Variants in SLC35A1 observed in about 807,000 individuals in gnomAD.
SLC35A1 encodes the protein solute carrier family 35 member A1, also known as CMP-sialic acid transporter.
In SLC35A1, 21 loss-of-function variants were observed where a neutral mutation model predicts 40.3. That is an observed-to-expected ratio of 0.52 (90% CI 0.37 to 0.75). The LOEUF (loss-of-function observed/expected upper bound fraction) is 0.75, where lower values mean the gene tolerates loss of function less well. Among genes scored for constraint, SLC35A1 ranks in the 30% least tolerant of loss-of-function variants. The pLI, the probability that SLC35A1 is intolerant of heterozygous loss-of-function variation, is 0.00. For missense variants in SLC35A1, 297 were observed against 382.1 expected (o/e 0.78, Z 1.86); for synonymous variants, 146 against 147.3 (o/e 0.99, Z 0.06).
chr6:87,484,617 A>G (rs1323302452), intron 2 of SLC35A1, among the ~76,000 whole-genome samples: 1 of 152,224 alleles, frequency 6.6e-6, no homozygotes, highest in Non-Finnish European at 1.5e-5. Context: ...TGGCAGAGTA[A>G]GAAATCAGAA....
In SLC35A1 at chr6:87,473,010, G is replaced by A. The variant is rs149903512; in HGVS notation, c.7G>A (p.Ala3Thr). The A allele has an allele frequency of 5.4e-5, 37 of 682,058 alleles. No homozygotes were observed. In the East Asian group the frequency reaches 7.1e-4, roughly 13 times the overall value. 42.3% of individuals were successfully genotyped at this position (682,058 alleles called of 1,614,324 possible). MAAPRDNVTLLFK... is the reference protein window; with the variant it reads MATPRDNVTLLFK... ...GGGGGGCTGTCGGGGAACCATGGCT[G>A]CCCCGAGAGGTGAGAACTGGGTCTG... is the stretch of plus-strand genomic sequence containing the variant. The change falls in exon 1 of 8, where the codon GCC becomes ACC. Residue 3 changes from alanine to threonine, a missense_variant. Ala to Thr is a moderately conservative substitution (Grantham distance 58). Transcript: ENST00000369552.
intron 6 of SLC35A1, among the ~76,000 whole-genome samples, 177 bp from the exon 7 acceptor site, chr6:87,508,864 A>G (rs1770168822): frequency 7.2e-6 from 1 of 138,092 alleles, no homozygotes; most frequent in Admixed American, 7.8e-5. Context: ...TTGGAAAAAC[A>G]GTGTTATATA....
At chr6:87,501,007 C>G in intron 3 of SLC35A1, 151 bp from the exon 4 acceptor site, 1 of 772,226 alleles carries the variant, frequency 1.3e-6, no homozygotes, top group Non-Finnish European at 2.1e-6. Flanking sequence ...GCCTCGGCCT[C>G]CCAAAGTTCT....
chr6:87,507,131 A>G, intron 5 of SLC35A1: 1 of 152,352 alleles, frequency 6.6e-6, no homozygotes, highest in East Asian at 1.9e-4. Flanking sequence ...TTTTTAATAT[A>G]TTCTGCTTAA....
At chr6:87,479,138 T>C (rs1769174075) in intron 2 of SLC35A1, among the ~76,000 whole-genome samples, 1 of 152,210 alleles carries the variant, frequency 6.6e-6, no homozygotes, top group Non-Finnish European at 1.5e-5. Flanking sequence ...GAATTGAACA[T>C]ACTGACATAC....
intron 7 of SLC35A1, among the ~76,000 whole-genome samples, chr6:87,509,469 T>C (rs1683601778): frequency 6.6e-6 from 1 of 152,168 alleles, no homozygotes; most frequent in Non-Finnish European, 1.5e-5. Context: ...GTATTGTATA[T>C]AGGACAACTT....
At chr6:87,506,306 GTA>G (rs1220548839) in intron 4 of SLC35A1, 74 bp from the exon 5 acceptor site, 18 of 1,131,212 alleles carry the variant, frequency 1.6e-5, no homozygotes, top group Non-Finnish European at 2.4e-5. Context: ...ACAGGTTTTT[GTA>G]TTTATTTGTT....
At chr6:87,481,133 A>G (rs1337282780) in intron 2 of SLC35A1, among the ~76,000 whole-genome samples, 1 of 152,202 alleles carries the variant, frequency 6.6e-6, no homozygotes, top group African/African-American at 2.4e-5. Flanking sequence ...TGGGGACACC[A>G]GGCTGGGCGC....
At chr6:87,478,251 G>C (rs2127963210) in intron 2 of SLC35A1, among the ~76,000 whole-genome samples, 1 of 152,344 alleles carries the variant, frequency 6.6e-6, no homozygotes, top group East Asian at 1.9e-4. Context: ...CATTGGAGGA[G>C]ATAGACCTAA....
chr6:87,506,190 T>G (rs1770075795), intron 4 of SLC35A1, among the ~76,000 whole-genome samples, 192 bp from the exon 5 acceptor site: 1 of 152,230 alleles, frequency 6.6e-6, no homozygotes, highest in Non-Finnish European at 1.5e-5. Flanking sequence ...CATTTTTCAC[T>G]TAAGCCAAGT....
intron 7 of SLC35A1, among the ~76,000 whole-genome samples, chr6:87,510,998 CTA>C (rs148337301): frequency 0.11 from 16,792 of 152,064 alleles, 967 homozygotes; most frequent in East Asian, 0.15. Context: ...GTCTTTTACT[CTA>C]AACTTTCACA....
At chr6:87,503,736 A>G (rs752742381) in intron 4 of SLC35A1, among the ~76,000 whole-genome samples, 4 of 152,104 alleles carry the variant, frequency 2.6e-5, no homozygotes, top group Non-Finnish European at 5.9e-5. Flanking sequence ...TAACAATAAT[A>G]TGCAAGTCTG....
At chr6:87,484,040 T>G (rs771069324) in intron 2 of SLC35A1, among the ~76,000 whole-genome samples, 1 of 152,190 alleles carries the variant, frequency 6.6e-6, no homozygotes, top group Non-Finnish European at 1.5e-5. Flanking sequence ...CCTCCAGACT[T>G]TGACCACCAA....
In SLC35A1 at chr6:87,473,877, A is replaced by G. The variant is rs531708225; in HGVS notation, c.16+858A>G. On this transcript the variant is annotated intron_variant, in intron 1 of 7. Coordinates refer to ENST00000369552, the MANE Select transcript of SLC35A1 (RefSeq NM_006416.5). ...ATAGAGCACTTGGCTTCACCCTTGA[A>G]TAAATATTGAACGAATACATAAGGA... Among the ~76,000 whole-genome samples the G allele has an allele frequency of 1.5e-3, 230 of 152,382 alleles. 1 individual carries two copies. Among genetic ancestry groups the G allele is most frequent in the African/African-American group, 5.3e-3 (220 of 41,592 alleles).
chr6:87,486,260 C>T (rs1287407184), intron 2 of SLC35A1, among the ~76,000 whole-genome samples: 1 of 152,094 alleles, frequency 6.6e-6, no homozygotes, highest in African/African-American at 2.4e-5. Context: ...ATCGAAGTAG[C>T]ACCTGAAACC....
intron 2 of SLC35A1, among the ~76,000 whole-genome samples, chr6:87,487,769 G>A (rs1287266983): frequency 6.6e-6 from 1 of 152,172 alleles, no homozygotes; most frequent in Non-Finnish European, 1.5e-5. Context: ...ATCTGAAAGC[G>A]GAAACAAGGC....
chr6:87,475,445 AG>A (rs1769040349), intron 1 of SLC35A1, among the ~76,000 whole-genome samples: 1 of 152,214 alleles, frequency 6.6e-6, no homozygotes, highest in Non-Finnish European at 1.5e-5. Context: ...TTTAGAACAA[AG>A]GAAGTATTAT....
In SLC35A1 at chr6:87,507,257, T is replaced by C. The variant is rs182158472; in HGVS notation, c.574+809T>C. ...CAGGCTGAATACAGAAGTAAAATACTGCTTGTAAATAAGATGTTTTATACG... is the reference window on the plus strand; with the variant it reads ...CAGGCTGAATACAGAAGTAAAATACCGCTTGTAAATAAGATGTTTTATACG... On this transcript the variant is annotated intron_variant, in intron 5 of 7. Transcript: ENST00000369552. 2.3e-3 allele frequency among the ~76,000 whole-genome samples: 345 copies of C among 152,294 alleles called. 1 individual carries two copies. Among genetic ancestry groups the C allele is most frequent in the African/African-American group, 8.0e-3 (331 of 41,566 alleles).
chr6:87,508,210 T>C (rs916769210), intron 5 of SLC35A1, among the ~76,000 whole-genome samples: 3 of 152,160 alleles, frequency 2.0e-5, no homozygotes, highest in African/African-American at 7.2e-5. Flanking sequence ...CAATTAGTTA[T>C]TATTCTATAT....
Sources: gnomAD v4.1 joint callset for allele counts (sites outside exome capture counted in the v4.1 genomes callset) on GRCh38, gnomAD v4.1.1 for gene constraint, MANE v1.5 for transcripts, NCBI Gene and HGNC (gene_info 2026-07-23, HGNC 2026-07-21) for gene names.